Variants in CSMD3 observed in about 807,000 individuals in gnomAD.
CSMD3 encodes CUB and sushi domain-containing protein 3.
In CSMD3, 177 loss-of-function variants were observed where a neutral mutation model predicts 435.2. The ratio of observed to expected loss-of-function variants is 0.41; its 90% CI spans 0.36 to 0.46. CSMD3 has a LOEUF of 0.46. Among genes scored for constraint, CSMD3 ranks in the 20% least tolerant of loss-of-function variants. The probability of loss-of-function intolerance (pLI) is 0.34; values close to 1 mark genes in which losing one functional copy is unlikely to be tolerated. For missense variants in CSMD3, 4,265 were observed against 4,504.6 expected (o/e 0.95, Z 1.52); for synonymous variants, 1,656 against 1,520.5 (o/e 1.09, Z -2.07).
intron 9 of CSMD3, among the ~76,000 whole-genome samples, chr8:112,935,527 T>G: frequency 6.6e-6 from 1 of 152,134 alleles, no homozygotes; most frequent in East Asian, 1.9e-4. Flanking sequence ...GAGCATGGGA[T>G]ATCTTTCTAT....
At position 112,743,922 on chromosome 8, in the gene CSMD3, G is replaced by T. The variant is rs1468753105; in HGVS notation, c.1973-53872C>A. On this transcript the variant is annotated intron_variant, in intron 13 of 70. Coordinates refer to ENST00000297405, the MANE Select transcript of CSMD3 (RefSeq NM_198123.2). ...ATGATTAAACAAGATAAGATAAACAGATGTACAAGCAAGCAAATCTGATAT... is the reference window on the plus strand; with the variant it reads ...ATGATTAAACAAGATAAGATAAACATATGTACAAGCAAGCAAATCTGATAT... 1.3e-4 allele frequency among the ~76,000 whole-genome samples: 19 copies of T among 151,980 alleles called. No individual in the cohort carries two copies. In the East Asian group the frequency reaches 3.3e-3, roughly 26 times the overall value.
rs556835904 is a variant in CSMD3, at chr8:112,621,435, T to C, written c.3715+15382A>G. Among the ~76,000 whole-genome samples, 12 of 152,198 alleles carry C rather than the reference T, an allele frequency of 7.9e-5. No homozygotes were observed. In the East Asian group the frequency reaches 2.3e-3, roughly 29 times the overall value. On this transcript the variant is annotated intron_variant, in intron 22 of 70. Transcript: ENST00000297405. ...CAGCTAGCATTTCATTTCACTTCAT[T>C]TCCTTCTTCTCAGCAAAATTCCTCA...
At chr8:113,279,241 C>A (rs1401651655) in intron 2 of CSMD3, among the ~76,000 whole-genome samples, 1 of 147,438 alleles carries the variant, frequency 6.8e-6, no homozygotes, top group African/African-American at 2.5e-5. Context: ...TTAGAAGATA[C>A]AAGAGACCGA....
intron 12 of CSMD3, 76 bp from the exon 13 acceptor site, chr8:112,800,350 G>A (rs1359463665): frequency 3.1e-6 from 3 of 956,130 alleles, no homozygotes; most frequent in Non-Finnish European, 5.1e-6. Flanking sequence ...AGACAGATGT[G>A]TTTCTCAATA....
chr8:113,209,069 T>C (rs1306628660), intron 3 of CSMD3, among the ~76,000 whole-genome samples: 1 of 143,288 alleles, frequency 7.0e-6, no homozygotes, highest in Non-Finnish European at 1.6e-5. Context: ...AAAAATAACA[T>C]TGTTTCTCAG....
chr8:113,009,078 C>A (rs907826264), intron 6 of CSMD3, among the ~76,000 whole-genome samples: 12 of 151,560 alleles, frequency 7.9e-5, no homozygotes, highest in African/African-American at 2.9e-4. Context: ...TAAACTTTTA[C>A]ATGGCTACAA....
intron 32 of CSMD3, among the ~76,000 whole-genome samples, chr8:112,448,978 A>G (rs1270902145): frequency 6.6e-6 from 1 of 152,146 alleles, no homozygotes; most frequent in Non-Finnish European, 1.5e-5. Context: ...TGGAATGGAT[A>G]CATGTTGTTT....
intron 16 of CSMD3, among the ~76,000 whole-genome samples, chr8:112,669,848 A>G (rs2075615592): frequency 6.6e-6 from 1 of 152,170 alleles, no homozygotes; most frequent in Non-Finnish European, 1.5e-5. Context: ...CTAGCCAGAT[A>G]AGTACACTAT....
chr8:112,727,775 T>G (rs1158882208), intron 13 of CSMD3, among the ~76,000 whole-genome samples: 1 of 151,882 alleles, frequency 6.6e-6, no homozygotes, highest in Non-Finnish European at 1.5e-5. Context: ...TACCCATATC[T>G]TATTCAAAAT....
intron 27 of CSMD3, 71 bp downstream of exon 27, chr8:112,550,600 C>A (rs1243390115): frequency 3.8e-6 from 3 of 783,098 alleles, no homozygotes; most frequent in Non-Finnish European, 6.5e-6. Flanking sequence ...AAATTTTGAA[C>A]AGTAAAGTTA....
chr8:112,434,651 T>C (rs1166271423), intron 32 of CSMD3, among the ~76,000 whole-genome samples: 2 of 152,134 alleles, frequency 1.3e-5, no homozygotes, highest in African/African-American at 2.4e-5. Context: ...GTAAATTTAC[T>C]GTGAAGTTAA....
chr8:112,612,595 G>A (rs1330174036), intron 22 of CSMD3, among the ~76,000 whole-genome samples: 2 of 151,796 alleles, frequency 1.3e-5, no homozygotes. Flanking sequence ...TCAGAGTTGG[G>A]AAACAGCGTT....
intron 38 of CSMD3, among the ~76,000 whole-genome samples, chr8:112,365,715 C>A (rs1827722974): frequency 6.6e-6 from 1 of 151,902 alleles, no homozygotes; most frequent in Non-Finnish European, 1.5e-5. Flanking sequence ...ACAACGCACC[C>A]AAACAATCAG....
chr8:112,700,768 T>C (rs2076373056), intron 13 of CSMD3, among the ~76,000 whole-genome samples: 2 of 152,084 alleles, frequency 1.3e-5, no homozygotes, highest in African/African-American at 4.8e-5. Context: ...CAGATTTGAC[T>C]CCACAGGAAC....
intron 13 of CSMD3, among the ~76,000 whole-genome samples, chr8:112,773,475 T>C (rs1055252229): frequency 1.3e-5 from 2 of 152,072 alleles, no homozygotes; most frequent in Admixed American, 6.6e-5. Flanking sequence ...AGGTAATAAG[T>C]TGAAATAACA....
chr8:112,646,732 T>C (rs1297120222), intron 19 of CSMD3, among the ~76,000 whole-genome samples: 2 of 152,148 alleles, frequency 1.3e-5, no homozygotes, highest in East Asian at 3.9e-4. Context: ...AAAGTGAAGA[T>C]TTCTGTTATT....
intron 11 of CSMD3, among the ~76,000 whole-genome samples, chr8:112,842,901 T>G (rs1391018478): frequency 6.6e-6 from 1 of 151,746 alleles, no homozygotes; most frequent in East Asian, 1.9e-4. Flanking sequence ...CTCGTGATGT[T>G]AAAAAAACTA....
chr8:112,911,757 ATATT>A (rs2082423392), intron 10 of CSMD3, among the ~76,000 whole-genome samples: 1 of 147,480 alleles, frequency 6.8e-6, no homozygotes, highest in African/African-American at 2.5e-5. Flanking sequence ...ACATTATAAT[ATATT>A]TAGTTAATTG....
intron 31 of CSMD3, among the ~76,000 whole-genome samples, chr8:112,477,086 A>T (rs2130779383): frequency 6.6e-6 from 1 of 152,354 alleles, no homozygotes; most frequent in South Asian, 2.1e-4. Context: ...AATGTTCTGT[A>T]GTCAGCATAT....
Sources: allele counts gnomAD v4.1 joint callset (sites outside exome capture counted in the v4.1 genomes callset), GRCh38; gene constraint gnomAD v4.1.1; transcripts MANE v1.5; gene names NCBI Gene and HGNC (gene_info 2026-07-23, HGNC 2026-07-21).